The following STRADB variants were observed in gnomAD, a reference collection of about 807,000 sequenced individuals.
The protein encoded by STRADB is STE20 related adaptor beta, also known as STE20-related kinase adapter protein beta.
In STRADB, 34 loss-of-function variants were observed where a neutral mutation model predicts 52.1. That is an observed-to-expected ratio of 0.65 (90% CI 0.50 to 0.87). The LOEUF (loss-of-function observed/expected upper bound fraction) is 0.87, where lower values mean the gene tolerates loss of function less well. STRADB is among the 40% of genes least tolerant of loss of function. The pLI is 0.00. For synonymous variants in STRADB, 133 were observed against 174.5 expected (o/e 0.76, Z 1.87); for missense variants, 340 against 483.9 (o/e 0.70, Z 2.79).
At chr2:201,466,109 G>A (rs751448283) in intron 3 of STRADB, among the ~76,000 whole-genome samples, 1 of 152,146 alleles carries the variant, frequency 6.6e-6, no homozygotes, top group Non-Finnish European at 1.5e-5. Context: ...GTTCCTGAAG[G>A]GTGAGGGAAG....
intron 3 of STRADB, among the ~76,000 whole-genome samples, chr2:201,466,947 C>T (rs1952313572): frequency 1.3e-5 from 2 of 152,150 alleles, no homozygotes; most frequent in South Asian, 4.1e-4. Flanking sequence ...AAGTAAAAGT[C>T]TGGCAGGATC....
intron 5 of STRADB, among the ~76,000 whole-genome samples, chr2:201,474,017 A>AG (rs1417904186): frequency 6.6e-6 from 1 of 151,144 alleles, no homozygotes; most frequent in Non-Finnish European, 1.5e-5. Context: ...CAGCCTCCCG[A>AG]GTAGCTGGGA....
Position 201,480,500 on chromosome 2 carries a change from C to T in STRADB, c.*325C>T, listed in dbSNP as rs1256893630. 2.8e-6 allele frequency: 3 copies of T among 1,056,704 alleles called. No homozygotes were observed. The highest frequency in any genetic ancestry group is 9.9e-5 in the Admixed American group (2 of 20,288). 65.5% of individuals were successfully genotyped at this position (1,056,704 alleles called of 1,614,324 possible). ...TAATTTTTTTCAGTATTTTGCTGTC[C>T]CTTGGGAATGGGCCCTCAGAGGACA... On this transcript the variant is annotated 3_prime_UTR_variant, in exon 12 of 12. Coordinates refer to ENST00000194530, the MANE Select transcript of STRADB (RefSeq NM_018571.6).
At chr2:201,472,900 T>C in intron 4 of STRADB, 55 bp from the exon 5 acceptor site, 1 of 1,524,460 alleles carries the variant, frequency 6.6e-7, no homozygotes, top group Non-Finnish European at 8.8e-7. Context: ...GATGTCTAAA[T>C]TGTCAGTTTT....
intron 4 of STRADB, among the ~76,000 whole-genome samples, 162 bp downstream of exon 4, chr2:201,470,214 AAAT>A (rs1355209772): frequency 6.6e-6 from 1 of 152,256 alleles, no homozygotes; most frequent in African/African-American, 2.4e-5. Flanking sequence ...GTCTATCTTA[AAAT>A]AATGACTCAG....
Position 201,478,421 on chromosome 2 carries a change from C to T in STRADB, c.890C>T (p.Ser297Leu). 1 of 1,614,118 alleles carries T rather than the reference C, an allele frequency of 6.2e-7. No individual in the cohort carries two copies. Among genetic ancestry groups the T allele is most frequent in the South Asian group, 1.1e-5 (1 of 91,088 alleles). Residue 297 changes from serine (S) to leucine (L), a missense_variant, in exon 10 of 12, where the codon TCA (serine) becomes TTA (leucine). Transcript: ENST00000194530. The stretch of plus-strand genomic sequence containing the variant: ...TTGGATATCAGTATTTTCCCTCAAT[C>T]AGAATCCAGAATGAAAAATTCCCAG... ...SPLDISIFPQ[S>L]ESRMKNSQSG...
At chr2:201,473,907 T>TTTC (rs1368782551) in intron 5 of STRADB, among the ~76,000 whole-genome samples, 2 of 150,194 alleles carry the variant, frequency 1.3e-5, no homozygotes, top group Admixed American at 6.6e-5. Context: ...TTTTTTTTTT[T>TTTC]CGAGACGGAG....
At chr2:201,457,901 G>A (rs1019821917) in intron 2 of STRADB, among the ~76,000 whole-genome samples, 1 of 152,038 alleles carries the variant, frequency 6.6e-6, no homozygotes, top group Non-Finnish European at 1.5e-5. Context: ...GCAGGTGCCT[G>A]TAATCCCAGC....
chr2:201,474,184 C>A (rs1396830006), intron 5 of STRADB, among the ~76,000 whole-genome samples: 2 of 152,088 alleles, frequency 1.3e-5, no homozygotes, highest in African/African-American at 4.8e-5. Context: ...GCCACCGTGC[C>A]CGGCCCCAAT....
Position 201,480,572 on chromosome 2 carries a change from A to G in STRADB, c.*397A>G, listed in dbSNP as rs1952554989. On this transcript the variant is annotated 3_prime_UTR_variant, in exon 12 of 12. Coordinates refer to ENST00000194530, the MANE Select transcript of STRADB (RefSeq NM_018571.6). ...CCCAGATTCTCTGGCCTTTTTAATG[A>G]GCTATTGTTAAACCAACAGGCTAGT... 1 of 1,002,568 alleles carries G rather than the reference A, an allele frequency of 1.0e-6. No homozygotes were observed. The highest frequency in any genetic ancestry group is 1.7e-5 in the African/African-American group (1 of 57,572). 62.1% of individuals were successfully genotyped at this position (1,002,568 alleles called of 1,614,324 possible). A position where few individuals can be genotyped will look rare whatever the true frequency, so the allele number is the denominator to read the frequency against.
chr2:201,468,334 T>C (rs1952337993), intron 3 of STRADB, among the ~76,000 whole-genome samples: 1 of 152,188 alleles, frequency 6.6e-6, no homozygotes, highest in South Asian at 2.1e-4. Flanking sequence ...GATTACCATG[T>C]GGCTTTTTAA....
chr2:201,480,386 T>C lies in STRADB; in HGVS notation c.*211T>C, dbSNP rs1417936007. On this transcript the variant is annotated 3_prime_UTR_variant, in exon 12 of 12. Transcript: ENST00000194530. ...TACTATGACAAGGAAACATCAGAAT[T>C]ACTAATCTAGCTAGTGTCATTTATT... 4.1e-5 allele frequency: 55 copies of C among 1,344,688 alleles called. No individual in the cohort carries two copies. Among genetic ancestry groups the C allele is most frequent in the Admixed American group, 1.0e-4 (3 of 28,894 alleles). The allele number at this position is 1,344,688 out of a possible 1,614,324, so 83.3% of individuals were successfully genotyped here. A position where few individuals can be genotyped will look rare whatever the true frequency, so the allele number is the denominator to read the frequency against.
At chr2:201,478,020 G>A (rs1952507532) in intron 8 of STRADB, 67 bp from the exon 9 acceptor site, 2 of 1,386,750 alleles carry the variant, frequency 1.4e-6, no homozygotes, top group African/African-American at 1.4e-5. Flanking sequence ...TATCAAAAAA[G>A]CACATGTGTA....
At chr2:201,478,968 GAGGC>G (rs1179809301) in intron 10 of STRADB, among the ~76,000 whole-genome samples, 1 of 151,998 alleles carries the variant, frequency 6.6e-6, no homozygotes, top group African/African-American at 2.4e-5. Flanking sequence ...AGCTACTCGG[GAGGC>G]TGAGAGAGGA....
Position 201,475,637 on chromosome 2 carries a change from T to C in STRADB, c.443T>C (p.Leu148Ser). The C allele has an allele frequency of 2.5e-6, 4 of 1,611,924 alleles. No individual in the cohort carries two copies. Among genetic ancestry groups the C allele is most frequent in the Non-Finnish European group, 3.4e-6 (4 of 1,179,846 alleles). The change falls in exon 7 of 12, where the codon TTG becomes TCG. Residue 148 changes from leucine (L) to serine (S), a missense_variant. Transcript: ENST00000194530. ...CTTTCAGGTTCAGCAAGTCAACTCT[T>C]GAGGACCTATTTTCCTGAAGGAATG... is the stretch of plus-strand genomic sequence containing the variant. ...FMAYGSASQL[L>S]RTYFPEGMSE... is the part of the protein sequence containing the mutation.
chr2:201,458,652 A>C (rs1352878538), intron 2 of STRADB, 132 bp from the exon 3 acceptor site: 2 of 678,748 alleles, frequency 2.9e-6, no homozygotes, highest in African/African-American at 3.7e-5. Flanking sequence ...CCTGGCTTCA[A>C]TTCCAAGTTT....
intron 3 of STRADB, among the ~76,000 whole-genome samples, chr2:201,464,702 T>G (rs1472044180): frequency 1.3e-5 from 2 of 152,064 alleles, no homozygotes; most frequent in Non-Finnish European, 2.9e-5. Flanking sequence ...TGGCCCTGGG[T>G]GGGTCCAGAA....
At chr2:201,464,596 T>G (rs889929943) in intron 3 of STRADB, among the ~76,000 whole-genome samples, 4 of 152,194 alleles carry the variant, frequency 2.6e-5, no homozygotes, top group African/African-American at 9.6e-5. Context: ...ACTGCCCAGC[T>G]GGATGTTCAC....
chr2:201,480,111 T>C lies in STRADB; in HGVS notation c.1193T>C (p.Val398Ala), dbSNP rs150125277. The change falls in exon 12 of 12, where the codon GTG (valine) becomes GCG (alanine). Residue 398 changes from valine to alanine, a missense_variant. Val to Ala is a moderately conservative substitution (Grantham distance 64, BLOSUM62 0). Transcript: ENST00000194530. ...YNKPSISLPP[V>A]LPWTEPECDF... ...AAGCCATCAATATCATTGCCTCCAG[T>C]GTTACCTTGGACTGAGCCAGAATGT... The C allele has an allele frequency of 1.2e-6, 2 of 1,613,768 alleles. No individual in the cohort carries two copies. Among genetic ancestry groups the C allele is most frequent in the African/African-American group, 1.3e-5 (1 of 74,918 alleles).
Sources: gnomAD v4.1 joint callset for allele counts (sites outside exome capture counted in the v4.1 genomes callset) on GRCh38, gnomAD v4.1.1 for gene constraint, MANE v1.5 for transcripts, NCBI Gene and HGNC (gene_info 2026-07-23, HGNC 2026-07-21) for gene names.